The following SPG7 variants were observed in gnomAD, a reference collection of about 807,000 sequenced individuals.
The protein encoded by SPG7 is SPG7 matrix AAA peptidase subunit, paraplegin, also known as mitochondrial inner membrane m-AAA protease component paraplegin.
In SPG7, 103 loss-of-function variants were observed where a neutral mutation model predicts 81.9. That is an observed-to-expected ratio of 1.26 (90% CI 1.07 to 1.48). SPG7 has a LOEUF of 1.48. Ranked by LOEUF, SPG7 falls within the 40% of genes most tolerant of loss-of-function variation. SPG7 has a pLI of 0.00. For synonymous variants in SPG7, 534 were observed against 444.2 expected, an observed-to-expected ratio of 1.20 and a Z score of -2.54; for missense variants, 1,241 against 1,087.3, an observed-to-expected ratio of 1.14 and a Z score of -1.99.
intron 13 of SPG7, chr16:89,551,668 C>A (rs2058635326): frequency 6.6e-6 from 1 of 152,352 alleles, no homozygotes; most frequent in South Asian, 2.1e-4. Flanking sequence ...GCGGGCAGAT[C>A]ACTTGAGGTC....
At chr16:89,551,995 A>C (rs1411228055) in intron 13 of SPG7, 1 of 152,204 alleles carries the variant, frequency 6.6e-6, no homozygotes, top group Non-Finnish European at 1.5e-5. Context: ...TGCCAGGAAA[A>C]GGTTGTGAAT....
intron 9 of SPG7, chr16:89,541,312 A>C (rs1434766146): frequency 1.0e-6 from 1 of 985,442 alleles, no homozygotes; most frequent in Non-Finnish European, 1.2e-6. Context: ...GTAGAAGGAA[A>C]CTTTCTTCCT....
chr16:89,534,978 C>G (rs998440798), intron 9 of SPG7, among the ~76,000 whole-genome samples: 1 of 152,206 alleles, frequency 6.6e-6, no homozygotes, highest in Non-Finnish European at 1.5e-5. Context: ...TCATGCAATC[C>G]TCCTGCCTCA....
chr16:89,539,255 G>A (rs1000370218), intron 9 of SPG7: 1 of 152,182 alleles, frequency 6.6e-6, no homozygotes, highest in African/African-American at 2.4e-5. Flanking sequence ...TCTAAGAACT[G>A]TTTGCCCGCC....
intron 3 of SPG7, 137 bp from the exon 4 acceptor site, chr16:89,523,869 T>C (rs1412787259): frequency 7.3e-6 from 8 of 1,096,554 alleles, no homozygotes; most frequent in Middle Eastern, 2.0e-4. Context: ...CAGGGAAGAA[T>C]TGGAGGAAGT....
At chr16:89,542,811 ACTGCAGC>A (rs2058512096) in intron 9 of SPG7, among the ~76,000 whole-genome samples, 1 of 151,850 alleles carries the variant, frequency 6.6e-6, no homozygotes, top group African/African-American at 2.4e-5. Context: ...ATCATAGCTC[ACTGCAGC>A]CTTCACCTCC....
intron 3 of SPG7, among the ~76,000 whole-genome samples, chr16:89,514,097 C>T (rs1359138313): frequency 5.3e-5 from 8 of 152,116 alleles, no homozygotes. Flanking sequence ...CGGGAAGGGA[C>T]ACCAGTGTTT....
rs182441221 is a variant in SPG7 at position 89,537,128 on chromosome 16, G to A, written c.1324+4492G>A. On this transcript the variant is annotated intron_variant, in intron 9 of 16. Transcript: ENST00000645818. ...ACAGCTGTGCATGCTCAGCCCTGCC[G>A]AGGTCCCAGGCCAGGCTTTGTTGCT... 2.9e-4 allele frequency: 422 copies of A among 1,473,882 alleles called. No individual in the cohort carries two copies. The African/African-American group carries it at 5.1e-3, about 18-fold the overall frequency. The allele number at this position is 1,473,882 out of a possible 1,614,324, so 91.3% of individuals were successfully genotyped here. A position where few individuals can be genotyped will look rare whatever the true frequency, so the allele number is the denominator to read the frequency against.
intron 12 of SPG7, 135 bp from the exon 13 acceptor site, chr16:89,550,359 G>C: frequency 1.4e-6 from 1 of 719,958 alleles, no homozygotes. Flanking sequence ...TTTTAGTAGG[G>C]ACGGGGTTTC....
At chr16:89,539,635 T>G (rs1017001366) in intron 9 of SPG7, 2 of 152,174 alleles carry the variant, frequency 1.3e-5, no homozygotes, top group Non-Finnish European at 2.9e-5. Context: ...GGTGCGATCA[T>G]GGGTCACTGC....
intron 4 of SPG7, 63 bp downstream of exon 4, chr16:89,524,310 G>A: frequency 6.4e-7 from 1 of 1,556,530 alleles, no homozygotes; most frequent in Non-Finnish European, 8.7e-7. Flanking sequence ...GCCTGTGAGA[G>A]TGAGGCTGTG....
chr16:89,513,217 C>G (rs1361714707), intron 3 of SPG7, among the ~76,000 whole-genome samples, 180 bp downstream of exon 3: 1 of 152,112 alleles, frequency 6.6e-6, no homozygotes, highest in Non-Finnish European at 1.5e-5. Flanking sequence ...GAGGCCTATA[C>G]CACATAGCGA....
chr16:89,522,287 C>T (rs374102580), intron 3 of SPG7: 3 of 152,224 alleles, frequency 2.0e-5, no homozygotes, highest in South Asian at 4.1e-4. Context: ...TGTTTGAATT[C>T]GTCTAAAATG....
At chr16:89,554,669 G>T (rs553921080) in intron 16 of SPG7, 106 bp downstream of exon 16, 1 of 760,754 alleles carries the variant, frequency 1.3e-6, no homozygotes, top group Non-Finnish European at 2.3e-6. Context: ...ACAGAGTACA[G>T]AGAACACTCT....
chr16:89,550,636 C>T (rs1244742090), intron 13 of SPG7, 27 bp downstream of exon 13: 116 of 1,533,082 alleles, frequency 7.6e-5, no homozygotes, highest in East Asian at 4.5e-5. Flanking sequence ...GCCGGCTCCA[C>T]GGGCCTTGGC....
Position 89,524,190 on chromosome 16 carries a change from T to C in SPG7, c.561T>C (p.Pro187=), listed in dbSNP as rs1233347038. ...AGGTGCAGCGCGTCCAGGTGGTGCC[T>C]GAGAGCGACGTGGTGGAAGTCTACC... ...KGEVQRVQVV[P]ESDVVEVYLH... is the part of the protein sequence containing the mutation. The change falls in exon 4 of 17, where the codon CCT becomes CCC. Residue 187 remains proline, a synonymous_variant. Coordinates refer to ENST00000645818, the MANE Select transcript of SPG7 (RefSeq NM_003119.4). 9 of 1,613,870 alleles carry C rather than the reference T, an allele frequency of 5.6e-6. No homozygotes were observed. Among genetic ancestry groups the C allele is most frequent in the Non-Finnish European group, 7.6e-6 (9 of 1,179,968 alleles).
intron 13 of SPG7, among the ~76,000 whole-genome samples, chr16:89,551,020 G>C (rs1034336550): frequency 2.6e-5 from 4 of 152,216 alleles, no homozygotes; most frequent in Admixed American, 2.6e-4. Context: ...CCTGAGGTCA[G>C]GAGTTCAAGA....
rs1030387372 is a variant in SPG7, at chr16:89,557,282, C to T, written c.*189C>T. 6.7e-6 allele frequency: 4 copies of T among 599,166 alleles called. No individual in the cohort carries two copies. The highest frequency in any genetic ancestry group is 2.0e-5 in the South Asian group (1 of 50,560). The allele number at this position is 599,166 out of a possible 1,614,324, so 37.1% of individuals were successfully genotyped here. On this transcript the variant is annotated 3_prime_UTR_variant, in exon 17 of 17. Coordinates refer to ENST00000645818, the MANE Select transcript of SPG7 (RefSeq NM_003119.4). Reference sequence around the variant, plus strand: ...TAAGTTTCTCTGCAGAAACTACTGACGGAGTCCTGTGTTTGTGAGTCGTTT... The same window carrying T: ...TAAGTTTCTCTGCAGAAACTACTGATGGAGTCCTGTGTTTGTGAGTCGTTT...
At chr16:89,534,363 G>T (rs1204304805) in intron 9 of SPG7, among the ~76,000 whole-genome samples, 1 of 152,226 alleles carries the variant, frequency 6.6e-6, no homozygotes, top group Non-Finnish European at 1.5e-5. Context: ...GAACGATGCT[G>T]CCTTGTGTGT....
Sources: allele counts gnomAD v4.1 joint callset (sites outside exome capture counted in the v4.1 genomes callset), GRCh38; gene constraint gnomAD v4.1.1; transcripts MANE v1.5; gene names NCBI Gene and HGNC (gene_info 2026-07-23, HGNC 2026-07-21).